KIF1B: variants seen among roughly 807,000 people sequenced by gnomAD.
The protein encoded by KIF1B is kinesin-like protein KIF1B.
In KIF1B, 76 loss-of-function variants were observed where a neutral mutation model predicts 241.9. The observed-to-expected ratio is 0.31, with a 90% CI of 0.26 to 0.38. The LOEUF is 0.38. Ranked by LOEUF, KIF1B falls within the 10% of genes least tolerant of loss-of-function variation. The probability of loss-of-function intolerance (pLI) is 1.00; values close to 1 mark genes in which losing one functional copy is unlikely to be tolerated. For missense variants in KIF1B, 1,622 were observed against 2,271.4 expected, an observed-to-expected ratio of 0.71 and a Z score of 5.81; for synonymous variants, 750 against 796.7, an observed-to-expected ratio of 0.94 and a Z score of 0.99.
chr1:10,220,457 C>T (rs902817129), intron 1 of KIF1B, among the ~76,000 whole-genome samples: 2 of 151,028 alleles, frequency 1.3e-5, no homozygotes, highest in African/African-American at 2.4e-5. Context: ...TAAATGTTTT[C>T]AACAGCTTCT....
chr1:10,282,592 A>C lies in KIF1B; in HGVS notation c.1434+59A>C. On this transcript the variant is annotated intron_variant, in intron 15 of 48. Transcript: ENST00000676179. ...CTATGTAGCTCCACAAGGAAGAACT[A>C]GGAGTAAAAATCACTAAGATTTCGA... The C allele has an allele frequency of 3.6e-6, 5 of 1,395,308 alleles. 1 individual carries two copies. The South Asian group carries it at 4.6e-5, about 13-fold the overall frequency. 86.4% of individuals were successfully genotyped at this position (1,395,308 alleles called of 1,614,324 possible).
chr1:10,304,614 C>T, intron 22 of KIF1B: 1 of 1,614,032 alleles, frequency 6.2e-7, no homozygotes. Context: ...TCTCAGCACC[C>T]AATCTCAAAG....
chr1:10,272,507 C>T (rs373371489), intron 9 of KIF1B: 127 of 655,630 alleles, frequency 1.9e-4, no homozygotes, highest in African/African-American at 1.8e-3. Context: ...CTAAGGAGAA[C>T]AAAAGTAAAT....
At chr1:10,306,558 C>T (rs1193183069) in intron 22 of KIF1B, 2 of 514,992 alleles carry the variant, frequency 3.9e-6, no homozygotes, top group African/African-American at 2.0e-5. Flanking sequence ...CTGTGGTACA[C>T]TATGCCAGTT....
At chr1:10,244,018 T>C (rs576922503) in intron 2 of KIF1B, among the ~76,000 whole-genome samples, 1 of 152,322 alleles carries the variant, frequency 6.6e-6, no homozygotes, top group African/African-American at 2.4e-5. Flanking sequence ...ATAATTTTTT[T>C]CCTATTTTCC....
At chr1:10,230,552 C>T (rs564429537) in intron 1 of KIF1B, among the ~76,000 whole-genome samples, 1 of 151,982 alleles carries the variant, frequency 6.6e-6, no homozygotes, top group East Asian at 1.9e-4. Context: ...TCTCCTGCCT[C>T]AGCCTCCTGA....
At chr1:10,230,225 C>T (rs1019733791) in intron 1 of KIF1B, among the ~76,000 whole-genome samples, 3 of 151,996 alleles carry the variant, frequency 2.0e-5, no homozygotes, top group Admixed American at 6.6e-5. Flanking sequence ...GGGAACACAT[C>T]GGTTATGGTG....
chr1:10,250,695 G>A (rs990533186), intron 2 of KIF1B, among the ~76,000 whole-genome samples: 1 of 152,134 alleles, frequency 6.6e-6, no homozygotes, highest in African/African-American at 2.4e-5. Context: ...GCATGGTAGT[G>A]CACACCTATA....
At chr1:10,347,406 T>C (rs1652627147) in intron 35 of KIF1B, among the ~76,000 whole-genome samples, 1 of 152,228 alleles carries the variant, frequency 6.6e-6, no homozygotes, top group African/African-American at 2.4e-5. Context: ...TTACAGTAAT[T>C]GTTTCTACTG....
intron 14 of KIF1B, among the ~76,000 whole-genome samples, chr1:10,281,251 A>G (rs1402322564): frequency 6.6e-6 from 1 of 152,216 alleles, no homozygotes; most frequent in Non-Finnish European, 1.5e-5. Flanking sequence ...TTAGTTTCTC[A>G]GGTTTAAAAA....
chr1:10,362,046 C>T (rs1035405865), intron 40 of KIF1B, among the ~76,000 whole-genome samples: 3 of 152,116 alleles, frequency 2.0e-5, no homozygotes, highest in African/African-American at 4.8e-5. Flanking sequence ...ATTGTGAACA[C>T]GTCTAAAACA....
intron 15 of KIF1B, among the ~76,000 whole-genome samples, chr1:10,290,825 C>T (rs952531228): frequency 4.6e-5 from 7 of 150,768 alleles, no homozygotes; most frequent in Non-Finnish European, 8.9e-5. Flanking sequence ...TCTGAGATCG[C>T]GCCACTGCAG....
At chr1:10,277,658 G>T (rs1028789716) in intron 12 of KIF1B, among the ~76,000 whole-genome samples, 1 of 152,094 alleles carries the variant, frequency 6.6e-6, no homozygotes, top group Non-Finnish European at 1.5e-5. Flanking sequence ...TTATGTATGA[G>T]TAGGTTTCAT....
chr1:10,309,812 CT>C (rs1243412112), intron 22 of KIF1B, among the ~76,000 whole-genome samples: 1 of 151,594 alleles, frequency 6.6e-6, no homozygotes, highest in Non-Finnish European at 1.5e-5. Context: ...CTTAGTCTTA[CT>C]GTAGTCTCCA....
chr1:10,327,428 A>G (rs11121539), intron 27 of KIF1B, among the ~76,000 whole-genome samples: 53,905 of 151,022 alleles, frequency 0.36, 9,740 homozygotes, highest in Admixed American at 0.39. Context: ...TTGAACCCGG[A>G]AGGCAGAGGT....
chr1:10,315,166 A>T (rs1651245837), intron 22 of KIF1B, among the ~76,000 whole-genome samples: 1 of 145,620 alleles, frequency 6.9e-6, no homozygotes, highest in South Asian at 2.1e-4. Context: ...AAAATCAAGA[A>T]TATTCTTTTT....
intron 22 of KIF1B, chr1:10,299,021 A>C (rs570103178): frequency 3.3e-5 from 5 of 150,676 alleles, no homozygotes; most frequent in African/African-American, 1.2e-4. Flanking sequence ...GAAGATTAGC[A>C]TGGCCCCTGC....
intron 38 of KIF1B, chr1:10,355,327 T>C (rs1652939081): frequency 6.6e-6 from 1 of 152,602 alleles, no homozygotes; most frequent in African/African-American, 2.4e-5. Flanking sequence ...ATTTCTTTTG[T>C]TTTTTTGCTG....
intron 12 of KIF1B, among the ~76,000 whole-genome samples, chr1:10,277,303 C>T (rs1425232037): frequency 2.7e-5 from 4 of 150,706 alleles, no homozygotes; most frequent in Non-Finnish European, 5.9e-5. Context: ...AAGAAAAAAA[C>T]AATTACCAAC....
Sources: gnomAD v4.1 joint callset for allele counts (sites outside exome capture counted in the v4.1 genomes callset) on GRCh38, gnomAD v4.1.1 for gene constraint, MANE v1.5 for transcripts, NCBI Gene and HGNC (gene_info 2026-07-23, HGNC 2026-07-21) for gene names.